CFAP52: variants seen among roughly 807,000 people sequenced by gnomAD.
CFAP52 encodes the protein cilia- and flagella-associated protein 52.
In CFAP52, 57 loss-of-function variants were observed where a neutral mutation model predicts 70.5. That is an observed-to-expected ratio of 0.81 (90% confidence interval 0.65 to 1.01). The LOEUF is 1.01. Among genes scored for constraint, CFAP52 ranks in the 50% least tolerant of loss-of-function variants. The pLI, the probability that CFAP52 is intolerant of heterozygous loss-of-function variation, is 0.00. For missense variants in CFAP52, 785 were observed against 788.5 expected, an observed-to-expected ratio of 1.00 and a Z score of 0.05; for synonymous variants, 267 against 292.5, an observed-to-expected ratio of 0.91 and a Z score of 0.89.
intron 8 of CFAP52, among the ~76,000 whole-genome samples, chr17:9,613,978 TC>T (rs1909808210): frequency 6.6e-6 from 1 of 151,890 alleles, no homozygotes; most frequent in African/African-American, 2.4e-5. Context: ...TCTCACTTTT[TC>T]CCCTCTTTTT....
Position 9,642,613 on chromosome 17 carries a change from C to T in CFAP52, c.1688-410C>T, listed in dbSNP as rs913570444. ...CACTCCAGCCTGAGTGACAGACAGT[C>T]CGTCTCAATAAATAAATAAGTAAAA... is the stretch of plus-strand genomic sequence containing the variant. On this transcript the variant is annotated intron_variant, in intron 13 of 13. Transcript: ENST00000352665. Among the ~76,000 whole-genome samples the T allele has an allele frequency of 5.3e-5, 8 of 152,182 alleles. No individual in the cohort carries two copies. The East Asian group carries it at 1.5e-3, about 29-fold the overall frequency.
In CFAP52 at chr17:9,585,677, A is replaced by C. The variant is rs1299462072; in HGVS notation, c.71-96A>C. 8.7e-6 allele frequency: 11 copies of C among 1,257,160 alleles called. No homozygotes were observed. The East Asian group carries it at 2.6e-4, about 29-fold the overall frequency. 77.9% of individuals were successfully genotyped at this position (1,257,160 alleles called of 1,614,324 possible). A position where few individuals can be genotyped will look rare whatever the true frequency, so the allele number is the denominator to read the frequency against. Reference sequence around the variant, plus strand: ...ACAAGTGCAAGACTCTGTCACACACACACACACACACAAAGTGTTGTGTTT... The same window carrying C: ...ACAAGTGCAAGACTCTGTCACACACCCACACACACACAAAGTGTTGTGTTT... On this transcript the variant is annotated intron_variant, in intron 1 of 13. Transcript: ENST00000352665.
intron 11 of CFAP52, among the ~76,000 whole-genome samples, chr17:9,637,228 C>G (rs1048061563): frequency 2.6e-5 from 4 of 152,156 alleles, no homozygotes; most frequent in African/African-American, 9.7e-5. Flanking sequence ...GGTTCAAGGA[C>G]CACACTTGTA....
chr17:9,608,114 C>T lies in CFAP52; in HGVS notation c.754-5C>T. ...GCTTTTTCTTAACACAGTTTTTCCCCCTAGGGAGTGTCAGCTATCAGGTGC... is the reference window on the plus strand; with the variant it reads ...GCTTTTTCTTAACACAGTTTTTCCCTCTAGGGAGTGTCAGCTATCAGGTGC... On this transcript the variant is annotated splice_polypyrimidine_tract_variant and splice_region_variant and intron_variant, in intron 6 of 13. Transcript: ENST00000352665. 1 of 1,610,038 alleles carries T rather than the reference C, an allele frequency of 6.2e-7. No homozygotes were observed. The highest frequency in any genetic ancestry group is 8.5e-7 in the Non-Finnish European group (1 of 1,177,788).
chr17:9,629,837 G>A (rs113605539), intron 9 of CFAP52, among the ~76,000 whole-genome samples: 1,958 of 151,916 alleles, frequency 0.013, 52 homozygotes, highest in African/African-American at 0.045. Context: ...CAATCCACCC[G>A]CCTCGGCCTC....
At position 9,593,745 on chromosome 17, in the gene CFAP52, C is replaced by T. The variant is rs1402353141; in HGVS notation, c.408-448C>T. On this transcript the variant is annotated intron_variant, in intron 3 of 13. Transcript: ENST00000352665. ...TGCTGGGATTACAGATGTGAGCCAT[C>T]GCTCCCAGCCAACATTCGAAACCAT... Among the ~76,000 whole-genome samples the T allele has an allele frequency of 7.2e-5, 11 of 152,210 alleles. No homozygotes were observed. In the South Asian group the frequency reaches 1.5e-3, roughly 20 times the overall value.
At position 9,636,231 on chromosome 17, in the gene CFAP52, G is replaced by GAAAGAAAGAA. The variant is rs1567637199; in HGVS notation, c.1472+677_1472+686dup. Among the ~76,000 whole-genome samples, 26 of 147,248 alleles carry GAAAGAAAGAA rather than the reference G, an allele frequency of 1.8e-4. 1 individual carries two copies. Among genetic ancestry groups the GAAAGAAAGAA allele is most frequent in the African/African-American group, 6.8e-4 (26 of 38,004 alleles). ...AGAAAGAAAGAAAGAAAGAAAGAAA[G>GAAAGAAAGAA]AAAGAAAGAAAGAAAGAAAGAGAAA... On this transcript the variant is annotated intron_variant, in intron 11 of 13. Coordinates refer to ENST00000352665, the MANE Select transcript of CFAP52 (RefSeq NM_145054.5).
At chr17:9,641,612 C>T (rs772024985) in intron 12 of CFAP52, 112 bp from the exon 13 acceptor site, 14 of 670,614 alleles carry the variant, frequency 2.1e-5, no homozygotes, top group African/African-American at 5.3e-5. Flanking sequence ...AGTATCATCC[C>T]GTGGTGTATT....
At chr17:9,589,313 A>G (rs1908637736) in intron 3 of CFAP52, among the ~76,000 whole-genome samples, 2 of 152,202 alleles carry the variant, frequency 1.3e-5, no homozygotes, top group African/African-American at 4.8e-5. Context: ...GTGTATAGTT[A>G]TATAACGATA....
At chr17:9,608,805 T>A (rs1909607057) in intron 7 of CFAP52, among the ~76,000 whole-genome samples, 1 of 152,192 alleles carries the variant, frequency 6.6e-6, no homozygotes, top group Admixed American at 6.6e-5. Context: ...CAAACCAATG[T>A]ATTAGATACT....
chr17:9,629,443 G>A (rs1440595022), intron 9 of CFAP52, among the ~76,000 whole-genome samples: 1 of 151,994 alleles, frequency 6.6e-6, no homozygotes, highest in African/African-American at 2.4e-5. Context: ...GTGACACCAG[G>A]AAACCATCTC....
chr17:9,588,966 A>C (rs1193462458), intron 3 of CFAP52, among the ~76,000 whole-genome samples: 1 of 151,986 alleles, frequency 6.6e-6, no homozygotes, highest in Admixed American at 6.6e-5. Context: ...AGCCAGGCAT[A>C]GTGCCGGGGC....
intron 8 of CFAP52, among the ~76,000 whole-genome samples, chr17:9,615,843 T>C (rs1011850445): frequency 3.4e-5 from 5 of 146,968 alleles, no homozygotes; most frequent in Admixed American, 2.1e-4. Context: ...TCTCACTATG[T>C]TGCCCAAGCT....
intron 8 of CFAP52, among the ~76,000 whole-genome samples, chr17:9,627,112 C>CTTT (rs201487824): frequency 1.5e-3 from 201 of 137,748 alleles, no homozygotes; most frequent in African/African-American, 5.2e-3. Flanking sequence ...TAGAGGTTGC[C>CTTT]TTTTTTTTTT....
At chr17:9,599,887 A>C (rs1222774364) in intron 5 of CFAP52, among the ~76,000 whole-genome samples, 180 bp from the exon 6 acceptor site, 1 of 151,908 alleles carries the variant, frequency 6.6e-6, no homozygotes, top group Non-Finnish European at 1.5e-5. Flanking sequence ...GATTATAGGC[A>C]TGCACCACGA....
intron 9 of CFAP52, among the ~76,000 whole-genome samples, chr17:9,632,531 G>A (rs1910597138): frequency 6.6e-6 from 1 of 152,190 alleles, no homozygotes; most frequent in African/African-American, 2.4e-5. Context: ...GAGAAAGATG[G>A]TGGTGCCTTG....
At chr17:9,577,503 T>A (rs1007063527) in intron 1 of CFAP52, among the ~76,000 whole-genome samples, 3 of 152,154 alleles carry the variant, frequency 2.0e-5, no homozygotes, top group African/African-American at 7.2e-5. Context: ...GAGAAAACAA[T>A]GAATTAGATT....
At chr17:9,588,856 C>T (rs931676003) in intron 3 of CFAP52, among the ~76,000 whole-genome samples, 4 of 150,688 alleles carry the variant, frequency 2.7e-5, no homozygotes, top group African/African-American at 7.3e-5. Context: ...CTGCAATCTC[C>T]GCCTCCCAGG....
At chr17:9,596,059 GTATATATATATA>G (rs796314327) in intron 4 of CFAP52, among the ~76,000 whole-genome samples, 1,266 of 85,218 alleles carry the variant, frequency 0.015, 47 homozygotes, top group African/African-American at 0.054. Context: ...ATATGTGTGT[GTATATATATATA>G]TATATATATA....
Sources: allele counts gnomAD v4.1 joint callset (sites outside exome capture counted in the v4.1 genomes callset), GRCh38; gene constraint gnomAD v4.1.1; transcripts MANE v1.5; gene names NCBI Gene and HGNC (gene_info 2026-07-23, HGNC 2026-07-21).